The following RGS3 variants were observed in gnomAD, a reference collection of about 807,000 sequenced individuals.
RGS3 encodes the protein regulator of G protein signaling 3.
In RGS3, 80 loss-of-function variants were observed where a neutral mutation model predicts 132.6. The observed-to-expected ratio is 0.60, with a 90% CI of 0.50 to 0.73. RGS3 has a LOEUF of 0.73. Ranked by LOEUF, RGS3 falls within the 30% of genes least tolerant of loss-of-function variation. The probability of loss-of-function intolerance (pLI) is 0.00; values close to 1 mark genes in which losing one functional copy is unlikely to be tolerated. For missense variants in RGS3, 1,382 were observed against 1,530.8 expected (o/e 0.90, Z 1.62); for synonymous variants, 598 against 620.6 (o/e 0.96, Z 0.54).
intron 17 of RGS3, among the ~76,000 whole-genome samples, chr9:113,525,382 C>A (rs1330127771): frequency 6.6e-6 from 1 of 152,150 alleles, no homozygotes; most frequent in East Asian, 1.9e-4. Context: ...CCTTCTCCTG[C>A]AGTCTAAATT....
intron 19 of RGS3, among the ~76,000 whole-genome samples, chr9:113,539,373 G>A (rs530819449): frequency 2.0e-5 from 3 of 152,290 alleles, no homozygotes; most frequent in South Asian, 2.1e-4. Context: ...GCAGTGGTGC[G>A]ATCTCAGCTC....
intron 17 of RGS3, among the ~76,000 whole-genome samples, 158 bp downstream of exon 15, chr9:113,523,199 T>C (rs892513772): frequency 4.6e-5 from 7 of 152,144 alleles, no homozygotes; most frequent in African/African-American, 1.7e-4. Context: ...GACACTGGCA[T>C]TCTTTCTAGG....
chr9:113,538,656 C>G (rs72761999), intron 19 of RGS3, among the ~76,000 whole-genome samples: 24,138 of 152,124 alleles, frequency 0.16, 2,063 homozygotes, highest in African/African-American at 0.2. Flanking sequence ...GACCCTGGAA[C>G]GGCCCAAGGG....
rs368273323 is a variant in RGS3, at chr9:113,554,469, C to T, written c.2037+17551C>T. Among the ~76,000 whole-genome samples, 7 of 152,220 alleles carry T rather than the reference C, an allele frequency of 4.6e-5. No individual in the cohort carries two copies. In the South Asian group the frequency reaches 1.2e-3, roughly 27 times the overall value. On this transcript the variant is annotated intron_variant, in intron 19 of 24. Coordinates refer to ENST00000350696, the Ensembl canonical transcript of RGS3. ...TACAGGCACACGCCATCATACCCAG[C>T]TACATTTTTGTATTTTTAGTAGAGA...
At chr9:113,479,148 G>A (rs1035820282) in intron 3 of RGS3, 2 of 275,010 alleles carry the variant, frequency 7.3e-6, no homozygotes, top group Admixed American at 9.7e-5. Context: ...AACAGAGAAT[G>A]ACAGTACTTG....
intron 19 of RGS3, among the ~76,000 whole-genome samples, chr9:113,538,012 G>A (rs1832750367): frequency 1.3e-5 from 2 of 152,234 alleles, no homozygotes; most frequent in Non-Finnish European, 2.9e-5. Flanking sequence ...GAAAAGCACG[G>A]ACTTCTGAGC....
Position 113,553,461 on chromosome 9 carries a change from T to TAA in RGS3, c.2037+16544_2037+16545insAA, listed in dbSNP as rs1448560862. On this transcript the variant is annotated intron_variant, in intron 19 of 24. Transcript: ENST00000350696. ...CTGTTTAAAAAAAAAAAAAAAAAAA[T>TAA]ATATATATATATATATATATATATA... 1.4e-4 allele frequency among the ~76,000 whole-genome samples: 5 copies of TAA among 35,616 alleles called. 1 individual carries two copies. The highest frequency in any genetic ancestry group is 4.9e-4 in the African/African-American group (4 of 8,100). The allele number at this position is 35,616 out of a possible 152,430, so 23.4% of individuals were successfully genotyped here.
intron 19 of RGS3, among the ~76,000 whole-genome samples, chr9:113,539,457 A>G (rs1195104458): frequency 2.0e-5 from 3 of 152,148 alleles, no homozygotes; most frequent in African/African-American, 7.2e-5. Context: ...CCACAGGCAC[A>G]TGCCACCATG....
At chr9:113,557,831 G>T (rs1015686856) in intron 19 of RGS3, among the ~76,000 whole-genome samples, 1 of 152,096 alleles carries the variant, frequency 6.6e-6, no homozygotes, top group African/African-American at 2.4e-5. Context: ...GGACCCTAAC[G>T]CAGGCCAGCA....
intron 19 of RGS3, among the ~76,000 whole-genome samples, chr9:113,566,102 A>G (rs1218405588): frequency 1.3e-5 from 2 of 152,108 alleles, no homozygotes; most frequent in African/African-American, 4.8e-5. Flanking sequence ...AGGGTTGGCT[A>G]TTGTATCAGG....
rs368523957 is a variant in RGS3, at chr9:113,542,942, C to T, written c.2037+6024C>T. On this transcript the variant is annotated intron_variant, in intron 19 of 24. Coordinates refer to ENST00000350696, the Ensembl canonical transcript of RGS3. ...GCAGCTCTAGTGGAGACTGTGCTGC[C>T]GCAGGGCTGAAGGAAGACCAACCAA... Among the ~76,000 whole-genome samples, 85 of 152,290 alleles carry T rather than the reference C, an allele frequency of 5.6e-4. 1 individual carries two copies. In the South Asian group the frequency reaches 0.017, roughly 30 times the overall value.
chr9:113,450,720 A>C (rs1460517092), intron 1 of RGS3, among the ~76,000 whole-genome samples: 1 of 152,206 alleles, frequency 6.6e-6, no homozygotes, highest in Non-Finnish European at 1.5e-5. Flanking sequence ...CCAGGAACAC[A>C]CAAGAAGGTA....
upstream of RGS3, among the ~76,000 whole-genome samples, chr9:113,457,198 G>C (rs755691642): frequency 6.6e-6 from 1 of 152,096 alleles, no homozygotes; most frequent in Non-Finnish European, 1.5e-5. Flanking sequence ...TTCCTCAAAC[G>C]TACAACGCCC....
At chr9:113,501,314 A>C in intron 10 of RGS3, 5 of 950,740 alleles carry the variant, frequency 5.3e-6, no homozygotes, top group Non-Finnish European at 7.3e-6. Flanking sequence ...GGCCCGGGGA[A>C]TACTAACTAG....
chr9:113,462,959 G>A (rs1037855965), intron 3 of RGS3, among the ~76,000 whole-genome samples: 1 of 152,242 alleles, frequency 6.6e-6, no homozygotes, highest in Non-Finnish European at 1.5e-5. Context: ...ACTGCTACGA[G>A]GAGGTGTCCT....
chr9:113,473,405 T>TG, intron 3 of RGS3, among the ~76,000 whole-genome samples: 1 of 152,162 alleles, frequency 6.6e-6, no homozygotes, highest in Non-Finnish European at 1.5e-5. Flanking sequence ...TTTTTTGAGT[T>TG]GGGGTCTCAC....
At position 113,578,372 on chromosome 9, in the gene RGS3, C is replaced by G. The variant is rs556427793; in HGVS notation, c.2038-5078C>G. 2.0e-5 allele frequency among the ~76,000 whole-genome samples: 3 copies of G among 152,284 alleles called. No homozygotes were observed. The East Asian group carries it at 5.8e-4, about 29-fold the overall frequency. On this transcript the variant is annotated intron_variant, in intron 19 of 24. Coordinates refer to ENST00000350696, the Ensembl canonical transcript of RGS3. ...ACATTGTGAGGAGATTCTAGAAATC[C>G]TATGTTATGGCTAAGGAAACTGAGG...
At chr9:113,448,681 TA>T (rs1588123658) in intron 1 of RGS3, among the ~76,000 whole-genome samples, 2 of 152,198 alleles carry the variant, frequency 1.3e-5, no homozygotes, top group Non-Finnish European at 2.9e-5. Flanking sequence ...ACTATATAAA[TA>T]TCCGGCACCT....
Position 113,507,801 on chromosome 9 carries a change from T to A in RGS3, c.1437+163T>A, listed in dbSNP as rs1831205776. ...GCTCTGCCTTCTGCAAGGCTGTTCT[T>A]GGTAGGGAGGACAGATGGGTCTATG... On this transcript the variant is annotated intron_variant, in intron 13 of 24. Coordinates refer to ENST00000350696, the Ensembl canonical transcript of RGS3. The surrounding 1 kb of genome is among the most constrained non-coding windows in gnomAD (Gnocchi z 5.0). Among the ~76,000 whole-genome samples, 2 of 152,148 alleles carry A rather than the reference T, an allele frequency of 1.3e-5. No individual in the cohort carries two copies. Among genetic ancestry groups the A allele is most frequent in the African/African-American group, 4.8e-5 (2 of 41,422 alleles).
Sources: gnomAD v4.1 joint callset for allele counts (sites outside exome capture counted in the v4.1 genomes callset) on GRCh38, gnomAD v4.1.1 for gene constraint, Gnocchi (gnomAD v3.1) non-coding constraint, MANE v1.5 for transcripts, NCBI Gene and HGNC (gene_info 2026-07-23, HGNC 2026-07-21) for gene names.